Variants in ADARB2 observed in about 807,000 individuals in gnomAD.
The protein encoded by ADARB2 is adenosine deaminase RNA specific B2 (inactive).
Under a neutral mutation model 62.2 loss-of-function variants are expected in ADARB2, and 25 were observed. That is an observed-to-expected ratio of 0.40 (90% CI 0.29 to 0.56). The LOEUF (loss-of-function observed/expected upper bound fraction) is 0.56. Ranked by LOEUF, ADARB2 falls within the 20% of genes least tolerant of loss-of-function variation. ADARB2 has a pLI of 0.43. For synonymous variants in ADARB2, 572 were observed against 500.8 expected, an observed-to-expected ratio of 1.14 and a Z score of -1.90; for missense variants, 1,071 against 1,077.4, an observed-to-expected ratio of 0.99 and a Z score of 0.08.
chr10:1,688,540 G>T (rs973107007), intron 1 of ADARB2, among the ~76,000 whole-genome samples: 1 of 152,206 alleles, frequency 6.6e-6, no homozygotes, highest in South Asian at 2.1e-4. Flanking sequence ...AAGGTACATT[G>T]GTGGCTTGAA....
intron 3 of ADARB2, among the ~76,000 whole-genome samples, chr10:1,338,838 G>C (rs1321564378): frequency 1.3e-5 from 2 of 152,146 alleles, no homozygotes; most frequent in Non-Finnish European, 2.9e-5. Context: ...TGGGTGGGCT[G>C]TCTGCTTCCT....
intron 2 of ADARB2, among the ~76,000 whole-genome samples, chr10:1,378,015 C>T (rs1564274212): frequency 1.3e-5 from 2 of 152,190 alleles, no homozygotes; most frequent in Non-Finnish European, 2.9e-5. Context: ...CTCCCCATCC[C>T]GTGACAACAG....
chr10:1,378,552 T>A (rs1453751862), intron 2 of ADARB2, among the ~76,000 whole-genome samples: 1 of 151,976 alleles, frequency 6.6e-6, no homozygotes, highest in East Asian at 1.9e-4. Context: ...CAGGTGCGGG[T>A]AAGGTTCCAG....
intron 1 of ADARB2, among the ~76,000 whole-genome samples, chr10:1,725,188 G>A (rs895694407): frequency 1.3e-5 from 2 of 152,180 alleles, no homozygotes; most frequent in Middle Eastern, 3.2e-3. Flanking sequence ...TTAACGTGCT[G>A]TAAAATAGAT....
chr10:1,524,979 A>G (rs1254920681), intron 1 of ADARB2, among the ~76,000 whole-genome samples: 1 of 152,184 alleles, frequency 6.6e-6, no homozygotes, highest in African/African-American at 2.4e-5. Context: ...ATGTCTTTTT[A>G]CCTTTCCATT....
At chr10:1,226,824 G>T (rs182189524) in intron 6 of ADARB2, among the ~76,000 whole-genome samples, 2 of 149,558 alleles carry the variant, frequency 1.3e-5, no homozygotes, top group South Asian at 4.3e-4. Flanking sequence ...GCCTCTATTG[G>T]GGGGGTGCCT....
chr10:1,635,784 G>T (rs907956827), intron 1 of ADARB2, among the ~76,000 whole-genome samples: 1 of 152,010 alleles, frequency 6.6e-6, no homozygotes. Context: ...CACTCATTTC[G>T]TTCCTTGCAA....
At chr10:1,589,571 G>A (rs993077545) in intron 1 of ADARB2, among the ~76,000 whole-genome samples, 21 of 152,214 alleles carry the variant, frequency 1.4e-4, no homozygotes, top group African/African-American at 3.6e-4. Context: ...CATGGGCCCC[G>A]CCTCTTTGGC....
chr10:1,539,961 A>T (rs1032872428), intron 1 of ADARB2, among the ~76,000 whole-genome samples: 2 of 150,864 alleles, frequency 1.3e-5, no homozygotes, highest in Non-Finnish European at 3.0e-5. Flanking sequence ...AGCAGTGATA[A>T]TTTTTTTTTT....
At chr10:1,662,765 G>A (rs1834266635) in intron 1 of ADARB2, among the ~76,000 whole-genome samples, 1 of 152,172 alleles carries the variant, frequency 6.6e-6, no homozygotes, top group Non-Finnish European at 1.5e-5. Context: ...TTCCGCTCCT[G>A]CTGTGACCAC....
At chr10:1,714,494 T>C (rs1461873265) in intron 1 of ADARB2, among the ~76,000 whole-genome samples, 1 of 152,256 alleles carries the variant, frequency 6.6e-6, no homozygotes, top group Non-Finnish European at 1.5e-5. Flanking sequence ...ATTTAATGCC[T>C]TTTTGAATCT....
At chr10:1,703,158 C>G (rs1387724216) in intron 1 of ADARB2, among the ~76,000 whole-genome samples, 1 of 151,914 alleles carries the variant, frequency 6.6e-6, no homozygotes, top group Non-Finnish European at 1.5e-5. Flanking sequence ...TCTCCAGATA[C>G]AGCAATTAAA....
intron 1 of ADARB2, among the ~76,000 whole-genome samples, chr10:1,706,312 A>C (rs1398430469): frequency 6.6e-6 from 1 of 152,238 alleles, no homozygotes; most frequent in Non-Finnish European, 1.5e-5. Flanking sequence ...CATTCCATGC[A>C]TGAAAAATGG....
intron 1 of ADARB2, among the ~76,000 whole-genome samples, chr10:1,495,744 C>CCAT (rs905169313): frequency 6.7e-6 from 1 of 150,194 alleles, no homozygotes; most frequent in Non-Finnish European, 1.5e-5. Flanking sequence ...GTCATCATCA[C>CCAT]CATCATCATC....
intron 1 of ADARB2, among the ~76,000 whole-genome samples, chr10:1,388,921 A>T (rs1262329461): frequency 6.6e-6 from 1 of 152,214 alleles, no homozygotes; most frequent in African/African-American, 2.4e-5. Flanking sequence ...CTGCAGAACA[A>T]ATACAATGTA....
At chr10:1,401,080 C>T (rs1250379253) in intron 1 of ADARB2, among the ~76,000 whole-genome samples, 1 of 152,132 alleles carries the variant, frequency 6.6e-6, no homozygotes, top group Non-Finnish European at 1.5e-5. Flanking sequence ...CGCCAGGGCC[C>T]CAGCCTGGCA....
intron 3 of ADARB2, among the ~76,000 whole-genome samples, chr10:1,321,563 T>C (rs1056060239): frequency 2.0e-5 from 3 of 152,084 alleles, no homozygotes; most frequent in Non-Finnish European, 4.4e-5. Flanking sequence ...TCAAATTTTT[T>C]TGTAGAGATG....
chr10:1,274,401 G>C (rs1050446300), intron 3 of ADARB2, among the ~76,000 whole-genome samples: 1 of 152,190 alleles, frequency 6.6e-6, no homozygotes, highest in Non-Finnish European at 1.5e-5. Flanking sequence ...CTGGTGCCAG[G>C]CATCTGATTC....
chr10:1,377,093 T>A (rs1329295775), intron 2 of ADARB2, among the ~76,000 whole-genome samples: 1 of 126,840 alleles, frequency 7.9e-6, no homozygotes, highest in South Asian at 3.0e-4. Context: ...GGTGTGTGTG[T>A]TTGTGTGCAC....
Sources: allele counts gnomAD v4.1 joint callset (sites outside exome capture counted in the v4.1 genomes callset), GRCh38; gene constraint gnomAD v4.1.1; transcripts MANE v1.5; gene names NCBI Gene and HGNC (gene_info 2026-07-23, HGNC 2026-07-21).